The following NKAIN3 variants were observed in gnomAD, a reference collection of about 807,000 sequenced individuals.
NKAIN3 encodes sodium/potassium transporting ATPase interacting 3.
In NKAIN3, 25 loss-of-function variants were observed where a neutral mutation model predicts 30.2. The ratio of observed to expected loss-of-function variants is 0.83; its 90% confidence interval spans 0.60 to 1.16. The LOEUF (loss-of-function observed/expected upper bound fraction) is 1.16. Among genes scored for constraint, NKAIN3 ranks in the 50% most tolerant of loss-of-function variants. The pLI, the probability that NKAIN3 is intolerant of heterozygous loss-of-function variation, is 0.00. For synonymous variants in NKAIN3, 91 were observed against 89.6 expected, an observed-to-expected ratio of 1.02 and a Z score of -0.09; for missense variants, 225 against 254.1, an observed-to-expected ratio of 0.89 and a Z score of 0.78.
intron 3 of NKAIN3, among the ~76,000 whole-genome samples, chr8:62,720,053 G>T (rs992627079): frequency 6.6e-6 from 1 of 151,720 alleles, no homozygotes; most frequent in Admixed American, 6.6e-5. Flanking sequence ...CACTGCGCCG[G>T]GCCGATATTT....
intron 4 of NKAIN3, among the ~76,000 whole-genome samples, chr8:62,815,818 G>A (rs1818658842): frequency 6.6e-6 from 1 of 151,782 alleles, no homozygotes; most frequent in Admixed American, 6.6e-5. Flanking sequence ...GTCTATTGTG[G>A]AAGTTTTCAA....
At chr8:62,255,657 T>C (rs1812240075) in intron 1 of NKAIN3, among the ~76,000 whole-genome samples, 1 of 152,220 alleles carries the variant, frequency 6.6e-6, no homozygotes, top group Admixed American at 6.5e-5. Flanking sequence ...ATGTTCAATG[T>C]GCATGTGGAT....
At chr8:62,531,632 C>T (rs1808493431) in intron 1 of NKAIN3, among the ~76,000 whole-genome samples, 1 of 152,156 alleles carries the variant, frequency 6.6e-6, no homozygotes, top group Non-Finnish European at 1.5e-5. Flanking sequence ...TTTTGCATCC[C>T]CAGCCGACTG....
chr8:62,670,281 A>G (rs912863886), intron 3 of NKAIN3, among the ~76,000 whole-genome samples: 13 of 152,274 alleles, frequency 8.5e-5, no homozygotes, highest in African/African-American at 3.1e-4. Context: ...CAGGACAAGC[A>G]TGGGAGTCCC....
chr8:62,578,824 G>A lies in NKAIN3; in HGVS notation c.55-715G>A, dbSNP rs73255020. ...TTCACATGTTCTCCCACTTATTTGTGGGAGCAAAAATTTAAAACAATTGAA... is the reference window on the plus strand; with the variant it reads ...TTCACATGTTCTCCCACTTATTTGTAGGAGCAAAAATTTAAAACAATTGAA... On this transcript the variant is annotated intron_variant, in intron 1 of 6. Coordinates refer to ENST00000623646, the MANE Select transcript of NKAIN3 (RefSeq NM_001304533.3). 6.1e-3 allele frequency among the ~76,000 whole-genome samples: 922 copies of A among 151,938 alleles called. 8 individuals carry two copies. The highest frequency in any genetic ancestry group is 0.021 in the African/African-American group (878 of 41,456).
chr8:62,623,749 G>A (rs568873396), intron 3 of NKAIN3, among the ~76,000 whole-genome samples: 1 of 152,090 alleles, frequency 6.6e-6, no homozygotes, highest in Admixed American at 6.6e-5. Context: ...TTGTTACCAG[G>A]AGGAGGTCCC....
At chr8:62,891,803 CCTT>C (rs1225108366) in intron 4 of NKAIN3, among the ~76,000 whole-genome samples, 1 of 152,150 alleles carries the variant, frequency 6.6e-6, no homozygotes, top group Non-Finnish European at 1.5e-5. Flanking sequence ...CCCTCTTTCT[CCTT>C]CTTTTCTCTT....
chr8:62,645,678 G>T (rs775286229), intron 3 of NKAIN3, among the ~76,000 whole-genome samples: 140 of 152,044 alleles, frequency 9.2e-4, no homozygotes, highest in Non-Finnish European at 1.6e-3. Flanking sequence ...GTAGAATTTT[G>T]GGAGGGATTT....
intron 4 of NKAIN3, among the ~76,000 whole-genome samples, chr8:62,845,417 A>T (rs1001031682): frequency 2.0e-5 from 3 of 150,872 alleles, no homozygotes; most frequent in Non-Finnish European, 3.0e-5. Context: ...GAGACTAGGG[A>T]CTTCTTTAGC....
intron 3 of NKAIN3, among the ~76,000 whole-genome samples, chr8:62,736,634 G>A (rs1271800052): frequency 6.6e-6 from 1 of 152,080 alleles, no homozygotes; most frequent in East Asian, 1.9e-4. Flanking sequence ...AAGCAAGCAG[G>A]GCTCTCAAGT....
chr8:62,304,535 C>G (rs548798914), intron 1 of NKAIN3, among the ~76,000 whole-genome samples: 1 of 149,370 alleles, frequency 6.7e-6, no homozygotes, highest in South Asian at 2.1e-4. Flanking sequence ...TTTAGCACAT[C>G]TATCACCTCA....
chr8:62,562,760 A>T (rs549533553), intron 1 of NKAIN3, among the ~76,000 whole-genome samples: 1 of 152,154 alleles, frequency 6.6e-6, no homozygotes, highest in Non-Finnish European at 1.5e-5. Context: ...TTTTCTATAT[A>T]TTATTTTCTA....
intron 4 of NKAIN3, among the ~76,000 whole-genome samples, chr8:62,777,337 C>T (rs1817223127): frequency 6.6e-6 from 1 of 152,124 alleles, no homozygotes; most frequent in Non-Finnish European, 1.5e-5. Context: ...CTCAGATTTG[C>T]TCCTTTGAGG....
chr8:62,727,155 G>A (rs1325183188), intron 3 of NKAIN3, among the ~76,000 whole-genome samples: 1 of 152,100 alleles, frequency 6.6e-6, no homozygotes, highest in Non-Finnish European at 1.5e-5. Flanking sequence ...CCAATATGCA[G>A]TCTGGTAAAA....
chr8:62,259,643 A>G (rs1812370105), intron 1 of NKAIN3, among the ~76,000 whole-genome samples: 1 of 152,238 alleles, frequency 6.6e-6, no homozygotes, highest in Non-Finnish European at 1.5e-5. Context: ...AAGGTAGGCT[A>G]TGAATGCCCT....
At chr8:62,965,280 G>A (rs775159657) in intron 6 of NKAIN3, 74 bp from the exon 7 acceptor site, 60 of 985,314 alleles carry the variant, frequency 6.1e-5, no homozygotes, top group Non-Finnish European at 6.6e-5. Flanking sequence ...ATTTCAAAAG[G>A]CCTCAATGAA....
chr8:62,794,775 G>A (rs1281372795), intron 4 of NKAIN3, among the ~76,000 whole-genome samples: 1 of 152,160 alleles, frequency 6.6e-6, no homozygotes, highest in Non-Finnish European at 1.5e-5. Flanking sequence ...TGTCTAACGT[G>A]GTAGAAATGA....
chr8:62,795,585 T>C (rs1174201035), intron 4 of NKAIN3, among the ~76,000 whole-genome samples: 1 of 151,720 alleles, frequency 6.6e-6, no homozygotes, highest in Non-Finnish European at 1.5e-5. Context: ...AATGTCTTCA[T>C]TTTGTCTTTT....
chr8:62,515,518 C>G lies in NKAIN3; in HGVS notation c.55-64021C>G, dbSNP rs73267389. 1.7e-3 allele frequency among the ~76,000 whole-genome samples: 253 copies of G among 152,232 alleles called. 1 individual carries two copies. The highest frequency in any genetic ancestry group is 5.8e-3 in the African/African-American group (241 of 41,540). ...TAGGTTCAGGGGATACATGTGCAGT[C>G]TACATGGGTAAACTGTGTGTCACTG... On this transcript the variant is annotated intron_variant, in intron 1 of 6. Coordinates refer to ENST00000623646, the MANE Select transcript of NKAIN3 (RefSeq NM_001304533.3).
Sources: allele counts gnomAD v4.1 joint callset (sites outside exome capture counted in the v4.1 genomes callset), GRCh38; gene constraint gnomAD v4.1.1; transcripts MANE v1.5; gene names NCBI Gene and HGNC (gene_info 2026-07-23, HGNC 2026-07-21).